Variants in PNPT1 observed in about 807,000 individuals in gnomAD.
PNPT1 encodes the protein polyribonucleotide nucleotidyltransferase 1.
A neutral mutation model predicts 119.5 loss-of-function variants in PNPT1; 53 were observed. The ratio of observed to expected loss-of-function variants is 0.44; its 90% CI spans 0.36 to 0.56. The LOEUF (loss-of-function observed/expected upper bound fraction) is 0.56, where lower values mean the gene tolerates loss of function less well. Among genes scored for constraint, PNPT1 ranks in the 20% least tolerant of loss-of-function variants. The pLI, the probability that PNPT1 is intolerant of heterozygous loss-of-function variation, is 0.00. For synonymous variants in PNPT1, 357 were observed against 322.1 expected, an observed-to-expected ratio of 1.11 and a Z score of -1.16; for missense variants, 948 against 938.5, an observed-to-expected ratio of 1.01 and a Z score of -0.13.
At chr2:55,680,647 G>T in intron 7 of PNPT1, 65 bp downstream of exon 7, 1 of 1,414,120 alleles carries the variant, frequency 7.1e-7, no homozygotes, top group South Asian at 1.2e-5. Context: ...GCTGTAACAT[G>T]GTCACTACTA....
chr2:55,656,258 T>G, intron 16 of PNPT1, 38 bp from the exon 17 acceptor site: 1 of 1,611,438 alleles, frequency 6.2e-7, no homozygotes, highest in Non-Finnish European at 8.5e-7. Context: ...AAAAATGTAT[T>G]AAGTCTCTGT....
intron 15 of PNPT1, among the ~76,000 whole-genome samples, 189 bp from the exon 16 acceptor site, chr2:55,656,560 A>G (rs556917364): frequency 1.3e-5 from 2 of 152,360 alleles, no homozygotes; most frequent in Admixed American, 1.3e-4. Context: ...GGTTAAAAGT[A>G]GCTATTTCAA....
intron 14 of PNPT1, among the ~76,000 whole-genome samples, chr2:55,661,091 C>CTTTTTT (rs1171064705): frequency 7.0e-5 from 5 of 71,598 alleles, no homozygotes; most frequent in Non-Finnish European, 1.2e-4. Flanking sequence ...AATAGAGATT[C>CTTTTTT]TTTTTTTTTT....
intron 26 of PNPT1, 137 bp downstream of exon 26, chr2:55,640,490 A>T: frequency 1.3e-6 from 1 of 767,742 alleles, no homozygotes; most frequent in Non-Finnish European, 2.1e-6. Context: ...ACTTTTTGCC[A>T]GCAGCATCTC....
intron 13 of PNPT1, among the ~76,000 whole-genome samples, chr2:55,666,756 C>G (rs545634515): frequency 6.6e-6 from 1 of 152,120 alleles, no homozygotes; most frequent in African/African-American, 2.4e-5. Flanking sequence ...GTGGGAGGAT[C>G]GCCTGAGTCC....
chr2:55,651,455 C>T (rs997163536), intron 18 of PNPT1, among the ~76,000 whole-genome samples: 28 of 152,066 alleles, frequency 1.8e-4, no homozygotes, highest in Non-Finnish European at 2.8e-4. Context: ...CCTTGGGATC[C>T]TGTTGATCTG....
Position 55,634,496 on chromosome 2 carries a change from A to G in PNPT1, c.*1741T>C, listed in dbSNP as rs1241221135. On this transcript the variant is annotated 3_prime_UTR_variant, in exon 28 of 28. Coordinates refer to ENST00000447944, the MANE Select transcript of PNPT1 (RefSeq NM_033109.5). ...AGGCTGGTCTTGAATTCCTGACCTC[A>G]TGTAATCCACCCGCCTCGGCCTCCC... 1 of 150,574 alleles carries G rather than the reference A, an allele frequency of 6.6e-6. No homozygotes were observed. Among genetic ancestry groups the G allele is most frequent in the Non-Finnish European group, 1.5e-5 (1 of 67,882 alleles). The allele number at this position is 150,574 out of a possible 1,614,324, so 9.3% of individuals were successfully genotyped here. A position where few individuals can be genotyped will look rare whatever the true frequency, so the allele number is the denominator to read the frequency against.
At chr2:55,650,625 C>CA (rs1696147311) in intron 18 of PNPT1, among the ~76,000 whole-genome samples, 1 of 151,404 alleles carries the variant, frequency 6.6e-6, no homozygotes, top group South Asian at 2.1e-4. Flanking sequence ...AAGTGAGGAG[C>CA]GTCTCTGCCC....
intron 18 of PNPT1, among the ~76,000 whole-genome samples, chr2:55,649,850 C>T (rs552421089): frequency 1.3e-5 from 2 of 152,172 alleles, no homozygotes; most frequent in African/African-American, 2.4e-5. Context: ...ACCTGCTTAA[C>T]CCTGCTGAAA....
In PNPT1 at chr2:55,688,325, C is replaced by T. The variant is rs549743957; in HGVS notation, c.162-620G>A. On this transcript the variant is annotated intron_variant, in intron 1 of 27. Coordinates refer to ENST00000447944, the MANE Select transcript of PNPT1 (RefSeq NM_033109.5). ...AAAGTGCTGGGATTACAGGTATGAG[C>T]CACTGTGCCTGGCTCCATTTACCAT... is the stretch of plus-strand genomic sequence containing the variant. Among the ~76,000 whole-genome samples, 5 of 152,228 alleles carry T rather than the reference C, an allele frequency of 3.3e-5. No individual in the cohort carries two copies. In the East Asian group the frequency reaches 9.7e-4, roughly 29 times the overall value.
rs763020630 is a variant in PNPT1 at position 55,667,086 on chromosome 2, C to T, written c.1081G>A (p.Gly361Ser). The T allele has an allele frequency of 1.6e-5, 26 of 1,611,170 alleles. No homozygotes were observed. Among genetic ancestry groups the T allele is most frequent in the Non-Finnish European group, 2.0e-5 (24 of 1,178,136 alleles). Residue 361 changes from glycine to serine, a missense_variant, in exon 13 of 28, where the codon GGT becomes AGT. By Grantham distance (56) the Gly-to-Ser change is moderately conservative (BLOSUM62 0). Transcript: ENST00000447944. The stretch of plus-strand genomic sequence containing the variant: ...TTCCTAAGTGAAGTCAAATCCCGAC[C>T]ATCGCACCTATAGTGATATAGGAAA... ...IVLNEYKRCD[G>S]RDLTSLRNVS...
Position 55,654,896 on chromosome 2 carries a change from T to C in PNPT1, c.1495+4A>G. On this transcript the variant is annotated splice_donor_region_variant and intron_variant, in intron 18 of 27. Coordinates refer to ENST00000447944, the MANE Select transcript of PNPT1 (RefSeq NM_033109.5). ...TCAGCAGTTTTGAGACATAATTCTT[T>C]TACCTGAATCCATTAATGCTAAACT... is the stretch of plus-strand genomic sequence containing the variant. 1.9e-6 allele frequency: 3 copies of C among 1,612,790 alleles called. No homozygotes were observed. The highest frequency in any genetic ancestry group is 2.5e-6 in the Non-Finnish European group (3 of 1,179,096).
intron 8 of PNPT1, among the ~76,000 whole-genome samples, chr2:55,677,624 A>G (rs1420768538): frequency 2.1e-5 from 3 of 146,186 alleles, no homozygotes; most frequent in Admixed American, 6.8e-5. Flanking sequence ...AAAAAAAAAG[A>G]TTATTAGTTC....
chr2:55,637,420 A>T, intron 27 of PNPT1, 132 bp downstream of exon 27: 1 of 797,150 alleles, frequency 1.3e-6, no homozygotes, highest in Admixed American at 2.3e-5. Context: ...CAATTCTAAG[A>T]TTAAAAATGA....
chr2:55,662,609 G>C (rs1443679313), intron 13 of PNPT1, among the ~76,000 whole-genome samples: 1 of 152,188 alleles, frequency 6.6e-6, no homozygotes, highest in African/African-American at 2.4e-5. Flanking sequence ...CAACAGGCGA[G>C]GTTGCAGTGA....
At chr2:55,681,123 C>G in intron 5 of PNPT1, among the ~76,000 whole-genome samples, 1 of 152,132 alleles carries the variant, frequency 6.6e-6, no homozygotes, top group Non-Finnish European at 1.5e-5. Flanking sequence ...AAGGGAAAAA[C>G]AGGCCAGGCG....
At chr2:55,667,204 G>A in intron 12 of PNPT1, 111 bp from the exon 13 acceptor site, 1 of 722,290 alleles carries the variant, frequency 1.4e-6, no homozygotes, top group Non-Finnish European at 2.3e-6. Context: ...ATAATCCCCT[G>A]TGGAACTTTA....
chr2:55,665,101 G>T (rs1302696768), intron 13 of PNPT1, among the ~76,000 whole-genome samples: 1 of 152,040 alleles, frequency 6.6e-6, no homozygotes, highest in Non-Finnish European at 1.5e-5. Flanking sequence ...GTTTGACAGT[G>T]GCCCAGAAAA....
rs1325008807 is a variant in PNPT1, at chr2:55,667,022, C to A, written c.1145G>T (p.Gly382Val). 1 of 1,601,746 alleles carries A rather than the reference C, an allele frequency of 6.2e-7. No homozygotes were observed. Among genetic ancestry groups the A allele is most frequent in the Non-Finnish European group, 8.5e-7 (1 of 1,175,856 alleles). ...TTGTCCTCTTTGAAATAATGCTGATCCATGAAGGGTTTTAAACATATCTAC... is the reference window on the plus strand; with the variant it reads ...TTGTCCTCTTTGAAATAATGCTGATACATGAAGGGTTTTAAACATATCTAC... ...CEVDMFKTLH[G>V]SALFQRGQTQ... is the part of the protein sequence containing the mutation. The change falls in exon 13 of 28, where the codon GGA becomes GTA. Residue 382 changes from glycine (G) to valine (V), a missense_variant. Gly to Val is a moderately radical substitution (Grantham distance 109). Coordinates refer to ENST00000447944, the MANE Select transcript of PNPT1 (RefSeq NM_033109.5).
Sources: gnomAD v4.1 joint callset for allele counts (sites outside exome capture counted in the v4.1 genomes callset) on GRCh38, gnomAD v4.1.1 for gene constraint, MANE v1.5 for transcripts, NCBI Gene and HGNC (gene_info 2026-07-23, HGNC 2026-07-21) for gene names.